Variants in MBIP observed in about 807,000 individuals in gnomAD.
MBIP encodes the protein MAP3K12 binding inhibitory protein 1, also known as MAP3K12-binding inhibitory protein 1.
Under a neutral mutation model 45.7 loss-of-function variants are expected in MBIP, and 32 were observed. The ratio of observed to expected loss-of-function variants is 0.70; its 90% CI spans 0.53 to 0.94. MBIP has a LOEUF of 0.94. Ranked by LOEUF, MBIP falls within the 40% of genes least tolerant of loss-of-function variation. The pLI is 0.00. For missense variants in MBIP, 381 were observed against 405.5 expected, an observed-to-expected ratio of 0.94 and a Z score of 0.52; for synonymous variants, 145 against 141.0, an observed-to-expected ratio of 1.03 and a Z score of -0.20.
intron 7 of MBIP, among the ~76,000 whole-genome samples, chr14:36,302,273 A>G (rs1879607589): frequency 6.6e-6 from 1 of 152,106 alleles, no homozygotes; most frequent in South Asian, 2.1e-4. Flanking sequence ...CGGGTGGATC[A>G]AGAGGTCAGG....
At chr14:36,315,828 CTAA>C (rs1386081920) in intron 2 of MBIP, among the ~76,000 whole-genome samples, 1 of 152,130 alleles carries the variant, frequency 6.6e-6, no homozygotes, top group African/African-American at 2.4e-5. Context: ...CACACTAACA[CTAA>C]TAACGTTCCA....
At chr14:36,310,462 G>A (rs1880133955) in intron 6 of MBIP, among the ~76,000 whole-genome samples, 1 of 152,176 alleles carries the variant, frequency 6.6e-6, no homozygotes, top group Non-Finnish European at 1.5e-5. Context: ...TACCCTGAGA[G>A]AGTCAAACAC....
chr14:36,305,086 T>C (rs983043515), intron 7 of MBIP: 5 of 152,364 alleles, frequency 3.3e-5, no homozygotes, highest in African/African-American at 1.2e-4. Context: ...ATTATGCAAT[T>C]ACCATGCATG....
At chr14:36,304,526 T>TAG (rs955857522) in intron 7 of MBIP, among the ~76,000 whole-genome samples, 1 of 152,240 alleles carries the variant, frequency 6.6e-6, no homozygotes, top group African/African-American at 2.4e-5. Context: ...TCTTTGGAAA[T>TAG]ACTCTAAGAT....
intron 4 of MBIP, chr14:36,314,136 CG>C: frequency 6.1e-6 from 1 of 163,504 alleles, no homozygotes; most frequent in South Asian, 1.9e-4. Context: ...AGTTCACTTA[CG>C]TATTAACATC....
chr14:36,314,548 CGTT>C lies in MBIP; in HGVS notation c.532_534del (p.Asn178del), dbSNP rs1566554562. 5 of 1,610,332 alleles carry C rather than the reference CGTT, an allele frequency of 3.1e-6. No individual in the cohort carries two copies. In the Admixed American group the frequency reaches 6.7e-5, roughly 22 times the overall value. On this transcript the variant is annotated inframe_deletion, in exon 4 of 9. Coordinates refer to ENST00000416007, the MANE Select transcript of MBIP (RefSeq NM_016586.3). The stretch of plus-strand genomic sequence containing the variant: ...TCAATAACATTGCAAAATTCCCTGA[CGTT>C]GTTTTCATTGATTTCAGCTTGCTTT...
chr14:36,317,727 TA>T (rs1035199818), intron 1 of MBIP, among the ~76,000 whole-genome samples: 3 of 152,120 alleles, frequency 2.0e-5, no homozygotes, highest in Admixed American at 6.5e-5. Flanking sequence ...GACATGTGTT[TA>T]CAGCATAGTA....
intron 7 of MBIP, among the ~76,000 whole-genome samples, chr14:36,304,389 G>A (rs935009634): frequency 7.2e-5 from 11 of 152,178 alleles, no homozygotes; most frequent in Non-Finnish European, 1.6e-4. Flanking sequence ...GCCCTTGAGA[G>A]TTTCAAAATA....
At chr14:36,314,216 C>G (rs769817675) in intron 4 of MBIP, 1 of 273,844 alleles carries the variant, frequency 3.7e-6, no homozygotes, top group Admixed American at 4.9e-5. Context: ...TGAGATAGAT[C>G]AACCTTCTCA....
intron 7 of MBIP, chr14:36,305,317 A>G (rs1879802808): frequency 1.3e-5 from 2 of 152,334 alleles, no homozygotes; most frequent in South Asian, 4.1e-4. Flanking sequence ...AAAGGACAGA[A>G]TGAGTCTGAA....
intron 4 of MBIP, chr14:36,313,780 C>G (rs1174547325): frequency 6.6e-6 from 1 of 152,136 alleles, no homozygotes; most frequent in East Asian, 1.9e-4. Context: ...ATATTAGAGG[C>G]AACAAGAAAC....
At chr14:36,319,991 T>C (rs752402513) in intron 1 of MBIP, 1 of 165,428 alleles carries the variant, frequency 6.0e-6, no homozygotes, top group Non-Finnish European at 1.3e-5. Flanking sequence ...AAAAAAGAAA[T>C]AAACAAAACC....
At chr14:36,301,119 A>G (rs1262122046) in intron 7 of MBIP, 1 of 217,070 alleles carries the variant, frequency 4.6e-6, no homozygotes, top group Non-Finnish European at 9.0e-6. Flanking sequence ...GTGATTTCGG[A>G]AAGAGGTGCT....
intron 5 of MBIP, 106 bp from the exon 6 acceptor site, chr14:36,311,831 C>T (rs7154340): frequency 0.92 from 1,097,680 of 1,191,316 alleles, 513,179 homozygotes; most frequent in East Asian, 0.96. Flanking sequence ...CATCTAACCA[C>T]AAGTATGAAG....
intron 7 of MBIP, among the ~76,000 whole-genome samples, chr14:36,302,935 T>C (rs1435136148): frequency 6.6e-6 from 1 of 152,218 alleles, no homozygotes; most frequent in East Asian, 1.9e-4. Flanking sequence ...TGACATGTGA[T>C]ACGATGCTCT....
Position 36,311,961 on chromosome 14 carries a change from T to A in MBIP, c.635A>T (p.Lys212Ile). Residue 212 changes from lysine (K) to isoleucine (I), a missense_variant and splice_region_variant, in exon 5 of 9, where the codon AAA becomes ATA. Lys to Ile is a moderately radical substitution (Grantham distance 102). Transcript: ENST00000416007. Reference protein sequence around the residue: ...TPYPGFKSHVKVSRVVNTYGP... With the variant: ...TPYPGFKSHVIVSRVVNTYGP... Reference sequence around the variant, plus strand: ...GATGTCATGTGGTGGTTACTTACCTTTTACGTGACTTTTAAATCCGGGGTA... The same window carrying A: ...GATGTCATGTGGTGGTTACTTACCTATTACGTGACTTTTAAATCCGGGGTA... 1 of 1,592,268 alleles carries A rather than the reference T, an allele frequency of 6.3e-7. No individual in the cohort carries two copies.
chr14:36,300,919 C>A (rs192644244), intron 7 of MBIP, 96 bp from the exon 8 acceptor site: 3 of 723,034 alleles, frequency 4.1e-6, no homozygotes, highest in Non-Finnish European at 6.6e-6. Context: ...GCCTTGGGAA[C>A]CCTGACAGAA....
chr14:36,316,612 A>T (rs1051908421), intron 2 of MBIP, 81 bp downstream of exon 2: 1 of 1,278,224 alleles, frequency 7.8e-7, no homozygotes, highest in African/African-American at 1.5e-5. Flanking sequence ...AGTGTTTAGA[A>T]CTGTCAAATA....
At chr14:36,320,303 CGAG>C (rs1395250943) in intron 1 of MBIP, 154 bp downstream of exon 1, 6 of 971,150 alleles carry the variant, frequency 6.2e-6, no homozygotes, top group Non-Finnish European at 9.1e-6. Flanking sequence ...TCACTCCGAC[CGAG>C]GAGGCTGGGC....
Sources: gnomAD v4.1 joint callset for allele counts (sites outside exome capture counted in the v4.1 genomes callset) on GRCh38, gnomAD v4.1.1 for gene constraint, MANE v1.5 for transcripts, NCBI Gene and HGNC (gene_info 2026-07-23, HGNC 2026-07-21) for gene names.